Variants in TEX9 observed in about 807,000 individuals in gnomAD.
TEX9 encodes testis-expressed protein 9.
Under a neutral mutation model 59.6 loss-of-function variants are expected in TEX9, and 74 were observed. That is an observed-to-expected ratio of 1.24 (90% CI 1.03 to 1.51). The LOEUF (loss-of-function observed/expected upper bound fraction) is 1.51, where lower values mean the gene tolerates loss of function less well. TEX9 is among the 40% of genes most tolerant of loss of function. The probability of loss-of-function intolerance (pLI) is 0.00; values close to 1 mark genes in which losing one functional copy is unlikely to be tolerated. For missense variants in TEX9, 522 were observed against 447.8 expected (o/e 1.17, Z -1.49); for synonymous variants, 186 against 152.2 (o/e 1.22, Z -1.64).
chr15:56,246,544 C>T (rs2043862099), intron 1 of TEX9, among the ~76,000 whole-genome samples: 1 of 152,146 alleles, frequency 6.6e-6, no homozygotes, highest in Admixed American at 6.5e-5. Context: ...TGAATAAAGG[C>T]AGGAGTGTAG....
At chr15:56,354,114 C>G (rs2046638277) in intron 1 of TEX9, among the ~76,000 whole-genome samples, 1 of 152,064 alleles carries the variant, frequency 6.6e-6, no homozygotes, top group Non-Finnish European at 1.5e-5. Flanking sequence ...TCCTTCCTGG[C>G]TTTTAAGTAC....
At chr15:56,433,457 T>G (rs2050654966) in intron 12 of TEX9, among the ~76,000 whole-genome samples, 1 of 152,020 alleles carries the variant, frequency 6.6e-6, no homozygotes. Context: ...GGAATGACAG[T>G]ATTATTTATT....
intron 1 of TEX9, among the ~76,000 whole-genome samples, chr15:56,297,501 T>C (rs1407083646): frequency 3.9e-5 from 6 of 152,202 alleles, no homozygotes; most frequent in African/African-American, 1.4e-4. Flanking sequence ...CCCAGGTGGC[T>C]TAGTTTTCTA....
At chr15:56,389,470 A>G in intron 6 of TEX9, 70 bp downstream of exon 6, 2 of 1,132,818 alleles carry the variant, frequency 1.8e-6, no homozygotes, top group Non-Finnish European at 1.3e-6. Flanking sequence ...ATTCTTAATT[A>G]TTAAGCTCTG....
chr15:56,247,654 A>G (rs534685708), intron 1 of TEX9, among the ~76,000 whole-genome samples: 3 of 152,334 alleles, frequency 2.0e-5, no homozygotes, highest in African/African-American at 7.2e-5. Flanking sequence ...ACTTTACAAA[A>G]TGTTACTTTG....
At chr15:56,310,647 T>G (rs1303656373) in intron 1 of TEX9, among the ~76,000 whole-genome samples, 3 of 152,122 alleles carry the variant, frequency 2.0e-5, no homozygotes, top group African/African-American at 4.8e-5. Context: ...CTGACATTCT[T>G]GCACAGATTC....
At chr15:56,398,405 A>G (rs1423142869) in intron 9 of TEX9, 9 of 152,220 alleles carry the variant, frequency 5.9e-5, no homozygotes, top group East Asian at 3.9e-4. Context: ...TTCTATTTCT[A>G]TTGGTCTAAG....
At chr15:56,433,412 G>A (rs576795375) in intron 12 of TEX9, among the ~76,000 whole-genome samples, 61 of 906 alleles carry the variant, frequency 0.067, 1 homozygote, top group Non-Finnish European at 0.11. Flanking sequence ...ATGCATCCTG[G>A]AACTTAAAAA....
intron 10 of TEX9, among the ~76,000 whole-genome samples, chr15:56,424,114 CT>C (rs1429663039): frequency 2.6e-5 from 4 of 152,086 alleles, no homozygotes; most frequent in Non-Finnish European, 5.9e-5. Flanking sequence ...ATAGAGTAGT[CT>C]TTTCTCCAAG....
intron 1 of TEX9, among the ~76,000 whole-genome samples, chr15:56,344,567 A>T (rs1398470193): frequency 1.3e-5 from 2 of 152,086 alleles, no homozygotes; most frequent in East Asian, 1.9e-4. Flanking sequence ...GGGTAATAAA[A>T]ATGTTCTAAA....
intron 9 of TEX9, among the ~76,000 whole-genome samples, chr15:56,399,657 T>C (rs1018098581): frequency 2.6e-5 from 4 of 152,186 alleles, no homozygotes; most frequent in Non-Finnish European, 5.9e-5. Flanking sequence ...GACTGCCTCC[T>C]CAAGTGGGTC....
At chr15:56,263,578 A>G (rs577361745) in intron 1 of TEX9, among the ~76,000 whole-genome samples, 2 of 152,236 alleles carry the variant, frequency 1.3e-5, no homozygotes, top group African/African-American at 4.8e-5. Flanking sequence ...TCCATACAGT[A>G]AAGTTCACCA....
chr15:56,392,733 G>A (rs2048277512), intron 7 of TEX9, among the ~76,000 whole-genome samples: 1 of 152,096 alleles, frequency 6.6e-6, no homozygotes, highest in Admixed American at 6.6e-5. Context: ...GGCTAGTTAT[G>A]GTAAGGGAAG....
chr15:56,433,793 G>T (rs1156350398), intron 12 of TEX9, among the ~76,000 whole-genome samples: 2 of 152,008 alleles, frequency 1.3e-5, no homozygotes, highest in Non-Finnish European at 2.9e-5. Context: ...TTCTCTCTCT[G>T]CCATACCAAA....
At chr15:56,251,438 C>T (rs555961910) in intron 1 of TEX9, among the ~76,000 whole-genome samples, 34 of 152,206 alleles carry the variant, frequency 2.2e-4, no homozygotes, top group Admixed American at 1.4e-3. Flanking sequence ...ATCAATCTTC[C>T]GGCTAGACAG....
At chr15:56,336,653 T>G (rs920886688) in intron 1 of TEX9, among the ~76,000 whole-genome samples, 6 of 152,184 alleles carry the variant, frequency 3.9e-5, no homozygotes, top group Non-Finnish European at 8.8e-5. Context: ...GGGAGTAGAC[T>G]CATAAGCATT....
chr15:56,400,320 GAA>G (rs1202980130), intron 9 of TEX9, among the ~76,000 whole-genome samples: 1 of 152,018 alleles, frequency 6.6e-6, no homozygotes, highest in Non-Finnish European at 1.5e-5. Context: ...ACCACGGCAC[GAA>G]AACTCCGTGA....
intron 1 of TEX9, among the ~76,000 whole-genome samples, chr15:56,307,665 C>A (rs1334672769): frequency 6.6e-6 from 1 of 152,136 alleles, no homozygotes; most frequent in Non-Finnish European, 1.5e-5. Flanking sequence ...TGCACAATCA[C>A]CAAGGTCTAA....
intron 1 of TEX9, among the ~76,000 whole-genome samples, chr15:56,247,593 A>T (rs1190167243): frequency 6.6e-6 from 1 of 152,198 alleles, no homozygotes; most frequent in East Asian, 1.9e-4. Flanking sequence ...CTGTGATCAG[A>T]TCCTAAAGTA....
Sources: gnomAD v4.1 joint callset for allele counts (sites outside exome capture counted in the v4.1 genomes callset) on GRCh38, gnomAD v4.1.1 for gene constraint, MANE v1.5 for transcripts, NCBI Gene and HGNC (gene_info 2026-07-23, HGNC 2026-07-21) for gene names.